Variants in SCHIP1 observed in about 807,000 individuals in gnomAD.
SCHIP1 encodes the protein schwannomin interacting protein 1, also known as schwannomin-interacting protein 1.
A neutral mutation model predicts 29.7 loss-of-function variants in SCHIP1; 8 were observed. The observed-to-expected ratio is 0.27, with a 90% CI of 0.16 to 0.49. The LOEUF is 0.49. SCHIP1 is among the 20% of genes least tolerant of loss of function. The pLI is 0.99. For synonymous variants in SCHIP1, 76 were observed against 94.9 expected (o/e 0.80, Z 1.16); for missense variants, 193 against 294.6 (o/e 0.66, Z 2.52).
chr3:159,403,426 C>T, the SCHIP1 span, among the ~76,000 whole-genome samples: 1 of 152,176 alleles, frequency 6.6e-6, no homozygotes, highest in African/African-American at 2.4e-5. Context: ...TCAACACCAC[C>T]TCACACCAAT....
At chr3:159,693,628 A>G in the SCHIP1 span, among the ~76,000 whole-genome samples, 3 of 152,186 alleles carry the variant, frequency 2.0e-5, no homozygotes, top group Non-Finnish European at 4.4e-5. Context: ...ACACCCAGGA[A>G]TTTGCATATC....
the SCHIP1 span, among the ~76,000 whole-genome samples, chr3:159,538,987 A>G: frequency 6.6e-6 from 1 of 152,008 alleles, no homozygotes; most frequent in Non-Finnish European, 1.5e-5. Context: ...TCCCCCTCTC[A>G]TCCATGGATG....
the SCHIP1 span, among the ~76,000 whole-genome samples, chr3:159,383,549 C>A: frequency 6.7e-6 from 1 of 150,078 alleles, no homozygotes; most frequent in Non-Finnish European, 1.5e-5. Flanking sequence ...TGTGATGCCT[C>A]CAGCTTTGTT....
At chr3:159,441,341 T>A in the SCHIP1 span, among the ~76,000 whole-genome samples, 2 of 152,172 alleles carry the variant, frequency 1.3e-5, no homozygotes, top group African/African-American at 2.4e-5. Flanking sequence ...TACTTAGTGG[T>A]GATGAATACT....
At chr3:159,857,799 G>A (rs1218168235) in intron 1 of SCHIP1, among the ~76,000 whole-genome samples, 1 of 151,968 alleles carries the variant, frequency 6.6e-6, no homozygotes, top group Non-Finnish European at 1.5e-5. Flanking sequence ...TTTCTATATA[G>A]TATTTCATTT....
chr3:159,510,587 A>G, the SCHIP1 span, among the ~76,000 whole-genome samples: 1 of 151,902 alleles, frequency 6.6e-6, no homozygotes, highest in Admixed American at 6.5e-5. Context: ...TTTTTTCCCC[A>G]TCTTTGTGGT....
the SCHIP1 span, among the ~76,000 whole-genome samples, chr3:159,279,285 C>A: frequency 6.6e-6 from 1 of 152,190 alleles, no homozygotes; most frequent in East Asian, 1.9e-4. Context: ...CACGCTCTTG[C>A]CTGCTGCCAT....
At chr3:159,856,617 T>C (rs1713399555) in intron 1 of SCHIP1, among the ~76,000 whole-genome samples, 1 of 152,204 alleles carries the variant, frequency 6.6e-6, no homozygotes, top group Non-Finnish European at 1.5e-5. Flanking sequence ...TAGGCTACTG[T>C]GCACAGAATC....
intron 2 of SCHIP1, among the ~76,000 whole-genome samples, chr3:159,869,906 GTTATA>G (rs1032872467): frequency 2.6e-5 from 4 of 151,770 alleles, no homozygotes; most frequent in Non-Finnish European, 5.9e-5. Flanking sequence ...CACATCTCTT[GTTATA>G]TTTATTTCTT....
the SCHIP1 span, among the ~76,000 whole-genome samples, chr3:159,628,375 C>T: frequency 6.6e-6 from 1 of 152,158 alleles, no homozygotes; most frequent in Non-Finnish European, 1.5e-5. Context: ...ACTTCATGCA[C>T]AGTGTCTGAC....
At chr3:159,552,671 T>C in the SCHIP1 span, among the ~76,000 whole-genome samples, 1 of 152,224 alleles carries the variant, frequency 6.6e-6, no homozygotes, top group Non-Finnish European at 1.5e-5. Flanking sequence ...ACTTAATCCA[T>C]CTTTCTTGCT....
At chr3:159,825,706 C>T in the SCHIP1 span, among the ~76,000 whole-genome samples, 3 of 152,148 alleles carry the variant, frequency 2.0e-5, no homozygotes, top group African/African-American at 7.2e-5. Context: ...ACATATGGCC[C>T]TTGCTCTCTC....
chr3:159,795,813 G>A, the SCHIP1 span, among the ~76,000 whole-genome samples: 4 of 152,174 alleles, frequency 2.6e-5, no homozygotes, highest in Non-Finnish European at 5.9e-5. Flanking sequence ...TTGCTCTGGG[G>A]ACCATATGGC....
At chr3:159,582,779 TATATATATACACACAC>T in the SCHIP1 span, among the ~76,000 whole-genome samples, 1 of 98,330 alleles carries the variant, frequency 1.0e-5, no homozygotes, top group African/African-American at 3.2e-5. Flanking sequence ...GCAACTGAAA[TATATATATACACACAC>T]ACACACACAC....
the SCHIP1 span, among the ~76,000 whole-genome samples, chr3:159,677,943 C>T: frequency 6.6e-6 from 1 of 152,180 alleles, no homozygotes; most frequent in Non-Finnish European, 1.5e-5. Context: ...TCAAGCAGTC[C>T]TCCCACCTCA....
the SCHIP1 span, among the ~76,000 whole-genome samples, chr3:159,364,503 G>A: frequency 6.6e-6 from 1 of 152,178 alleles, no homozygotes; most frequent in Non-Finnish European, 1.5e-5. Flanking sequence ...GGACTTGTGT[G>A]TAGCACATAG....
At chr3:159,521,729 A>G in the SCHIP1 span, among the ~76,000 whole-genome samples, 1 of 152,240 alleles carries the variant, frequency 6.6e-6, no homozygotes. Flanking sequence ...TCTGAAATAT[A>G]ACAGTATGTT....
At chr3:159,701,056 G>A in the SCHIP1 span, among the ~76,000 whole-genome samples, 63 of 152,158 alleles carry the variant, frequency 4.1e-4, 2 homozygotes, top group South Asian at 7.3e-3. Flanking sequence ...GATGTTATGC[G>A]ATTAAATACA....
At chr3:159,847,956 CGAG>C (rs1367879035) in intron 1 of SCHIP1, among the ~76,000 whole-genome samples, 1 of 151,820 alleles carries the variant, frequency 6.6e-6, no homozygotes, top group African/African-American at 2.4e-5. Flanking sequence ...ATGTTAAGGC[CGAG>C]GAGAAGGCAG....
Sources: allele counts gnomAD v4.1 joint callset (sites outside exome capture counted in the v4.1 genomes callset), GRCh38; gene constraint gnomAD v4.1.1; transcripts MANE v1.5; gene names NCBI Gene and HGNC (gene_info 2026-07-23, HGNC 2026-07-21).